The following CYREN variants were observed in gnomAD, a reference collection of about 807,000 sequenced individuals.
CYREN encodes the protein cell cycle regulator of non-homologous end joining.
Under a neutral mutation model 9.7 loss-of-function variants are expected in CYREN, and 7 were observed. The ratio of observed to expected loss-of-function variants is 0.72; its 90% CI spans 0.41 to 1.36. The LOEUF (loss-of-function observed/expected upper bound fraction) is 1.36. Ranked by LOEUF, CYREN falls within the 40% of genes most tolerant of loss-of-function variation. The pLI, the probability that CYREN is intolerant of heterozygous loss-of-function variation, is 0.01. For missense variants in CYREN, 215 were observed against 198.1 expected (o/e 1.09, Z -0.51); for synonymous variants, 76 against 77.9 (o/e 0.98, Z 0.13).
chr7:135,106,725 C>T (rs1824777306), intron 2 of CYREN, among the ~76,000 whole-genome samples: 1 of 152,150 alleles, frequency 6.6e-6, no homozygotes, highest in South Asian at 2.1e-4. Flanking sequence ...ATGCTGGCTT[C>T]ATAGAATGAG....
At chr7:135,129,707 A>C in intron 2 of CYREN, 1 of 757,148 alleles carries the variant, frequency 1.3e-6, no homozygotes, top group Non-Finnish European at 2.4e-6. Context: ...CTACTGCTCA[A>C]GATATGGAAG....
intron 2 of CYREN, among the ~76,000 whole-genome samples, chr7:135,136,035 A>G (rs555045323): frequency 9.9e-5 from 15 of 152,222 alleles, no homozygotes; most frequent in Admixed American, 4.6e-4. Flanking sequence ...TGTCATTCAT[A>G]AGGCAGTGAG....
chr7:135,152,515 A>G (rs1289008870), intron 2 of CYREN, among the ~76,000 whole-genome samples: 1 of 152,230 alleles, frequency 6.6e-6, no homozygotes, highest in Non-Finnish European at 1.5e-5. Context: ...GAAAACAGTA[A>G]CTCTACCCTA....
chr7:135,104,352 T>C (rs1824322026), intron 2 of CYREN, among the ~76,000 whole-genome samples: 1 of 152,216 alleles, frequency 6.6e-6, no homozygotes, highest in African/African-American at 2.4e-5. Context: ...GTCTTTGCTA[T>C]TATTCACAAT....
At chr7:135,141,634 G>A (rs1395471801) in intron 2 of CYREN, among the ~76,000 whole-genome samples, 2 of 151,888 alleles carry the variant, frequency 1.3e-5, no homozygotes, top group Non-Finnish European at 2.9e-5. Context: ...GTTCTTCTAG[G>A]TGTGGTGTTA....
At chr7:135,102,852 T>C (rs1239419558) in intron 2 of CYREN, among the ~76,000 whole-genome samples, 1 of 152,192 alleles carries the variant, frequency 6.6e-6, no homozygotes, top group African/African-American at 2.4e-5. Context: ...AGAATCTTTA[T>C]GGTCTTGGAA....
chr7:135,148,414 C>T (rs1277786962), intron 2 of CYREN: 3 of 307,800 alleles, frequency 9.7e-6, no homozygotes, highest in African/African-American at 2.2e-5. Flanking sequence ...GACCCTCCCT[C>T]GCTCATGTCT....
exon 3 of CYREN, chr7:135,094,467 T>G (rs1376701001): frequency 2.2e-6 from 1 of 456,684 alleles, no homozygotes; most frequent in East Asian, 6.9e-5. Flanking sequence ...GCGCACTAGC[T>G]TGAAAGTGAG....
At chr7:135,167,504 AAC>A (rs1830253877) in intron 3 of CYREN, 2 of 1,409,376 alleles carry the variant, frequency 1.4e-6, no homozygotes, top group Non-Finnish European at 1.8e-6. Context: ...CGCCCTCCCT[AAC>A]ACACGCATGC....
At chr7:135,164,631 T>G, downstream of CYREN, 1 of 1,613,704 alleles carries the variant, frequency 6.2e-7, no homozygotes, top group Middle Eastern at 1.7e-4. Context: ...CACCCTACAG[T>G]GTCACCAGTT....
At chr7:135,139,297 A>T (rs945875389) in intron 2 of CYREN, among the ~76,000 whole-genome samples, 1 of 152,002 alleles carries the variant, frequency 6.6e-6, no homozygotes, top group African/African-American at 2.4e-5. Flanking sequence ...GTGAGATGGT[A>T]TCTCATTGTG....
intron 2 of CYREN, among the ~76,000 whole-genome samples, chr7:135,124,225 A>ACG (rs1827542779): frequency 6.6e-6 from 1 of 151,882 alleles, no homozygotes; most frequent in Admixed American, 6.6e-5. Context: ...GAAAGCAAAA[A>ACG]AAAAAAAAGT....
chr7:135,141,532 T>A (rs947483700), intron 2 of CYREN, among the ~76,000 whole-genome samples: 1 of 152,130 alleles, frequency 6.6e-6, no homozygotes, highest in Admixed American at 6.6e-5. Flanking sequence ...TTCGTATGTT[T>A]TTTTGTGTCT....
chr7:135,130,709 T>C (rs1385449365), intron 2 of CYREN, among the ~76,000 whole-genome samples: 1 of 152,192 alleles, frequency 6.6e-6, no homozygotes, highest in East Asian at 1.9e-4. Flanking sequence ...CAGTATAACC[T>C]GTCTATACCA....
At chr7:135,143,392 G>A (rs1279516435) in intron 2 of CYREN, among the ~76,000 whole-genome samples, 1 of 152,130 alleles carries the variant, frequency 6.6e-6, no homozygotes, top group African/African-American at 2.4e-5. Flanking sequence ...AAATGGTGCT[G>A]GAACAACTGG....
intron 2 of CYREN, among the ~76,000 whole-genome samples, chr7:135,139,166 C>T (rs11761024): frequency 0.48 from 73,662 of 151,892 alleles, 18,216 homozygotes; most frequent in South Asian, 0.66. Context: ...TGATAAATCC[C>T]CAAACCACTT....
chr7:135,160,689 C>T (rs957130145), intron 2 of CYREN, among the ~76,000 whole-genome samples: 6 of 149,926 alleles, frequency 4.0e-5, no homozygotes, highest in African/African-American at 1.5e-4. Context: ...AGGATTCGTA[C>T]ATGAAAGAAC....
At chr7:135,147,104 A>G (rs1488148087) in intron 2 of CYREN, among the ~76,000 whole-genome samples, 2 of 152,214 alleles carry the variant, frequency 1.3e-5, no homozygotes, top group Admixed American at 6.5e-5. Flanking sequence ...CCAGTATTGT[A>G]CTAAGCACTT....
chr7:135,112,948 TG>T (rs1825848271), intron 2 of CYREN, among the ~76,000 whole-genome samples: 1 of 152,332 alleles, frequency 6.6e-6, no homozygotes, highest in African/African-American at 2.4e-5. Context: ...ACTTAATTTT[TG>T]TATTTTTAGT....
Sources: gnomAD v4.1 joint callset for allele counts (sites outside exome capture counted in the v4.1 genomes callset) on GRCh38, gnomAD v4.1.1 for gene constraint, MANE v1.5 for transcripts, NCBI Gene and HGNC (gene_info 2026-07-23, HGNC 2026-07-21) for gene names.